The following TRIP12 variants were observed in gnomAD, a reference collection of about 807,000 sequenced individuals.
The protein encoded by TRIP12 is thyroid hormone receptor interactor 12.
Under a neutral mutation model 244.2 loss-of-function variants are expected in TRIP12, and 25 were observed. The ratio of observed to expected loss-of-function variants is 0.10; its 90% confidence interval spans 0.07 to 0.14. The LOEUF (loss-of-function observed/expected upper bound fraction) is 0.14, where lower values mean the gene tolerates loss of function less well. Ranked by LOEUF, TRIP12 falls within the 10% of genes least tolerant of loss-of-function variation. TRIP12 has a pLI of 1.00. For synonymous variants in TRIP12, 905 were observed against 873.1 expected, an observed-to-expected ratio of 1.04 and a Z score of -0.64; for missense variants, 1,677 against 2,486.4, an observed-to-expected ratio of 0.67 and a Z score of 6.92.
rs1210948489 is a variant in TRIP12, at chr2:229,921,947, A to AC, written c.-118dup. 3.1e-3 allele frequency: 193 copies of AC among 61,512 alleles called. No individual in the cohort carries two copies. The highest frequency in any genetic ancestry group is 5.0e-3 in the East Asian group (10 of 1,988). The allele number at this position is 61,512 out of a possible 1,614,324, so 3.8% of individuals were successfully genotyped here. A position where few individuals can be genotyped will look rare whatever the true frequency, so the allele number is the denominator to read the frequency against. On this transcript the variant is annotated 5_prime_UTR_variant, in exon 1 of 42. Transcript: ENST00000675903. ...GCAGTAACTTCCACTAGCTCCCCCC[A>AC]CCCCCCCCAGCGGCGCGGCGGCGGC...
intron 2 of TRIP12, among the ~76,000 whole-genome samples, chr2:229,874,420 G>A (rs1386316224): frequency 6.6e-6 from 1 of 152,106 alleles, no homozygotes; most frequent in Non-Finnish European, 1.5e-5. Context: ...CCATTTTCAA[G>A]AATTCGACTT....
intron 34 of TRIP12, among the ~76,000 whole-genome samples, chr2:229,779,274 GAAC>G (rs2037298086): frequency 6.6e-6 from 1 of 152,106 alleles, no homozygotes; most frequent in African/African-American, 2.4e-5. Context: ...TTTCCTTCAG[GAAC>G]AATATGGCAT....
chr2:229,781,633 C>A (rs2038197030), intron 34 of TRIP12, among the ~76,000 whole-genome samples: 1 of 152,150 alleles, frequency 6.6e-6, no homozygotes, highest in African/African-American at 2.4e-5. Flanking sequence ...GGCTTGTGAG[C>A]CCAAAGACTG....
intron 2 of TRIP12, among the ~76,000 whole-genome samples, chr2:229,865,335 A>G (rs2061333698): frequency 8.0e-5 from 2 of 25,082 alleles, no homozygotes; most frequent in Non-Finnish European, 1.1e-4. Context: ...AAAAAAAAAA[A>G]AAAAAAAAGA....
At chr2:229,902,868 C>T (rs974428861) in intron 1 of TRIP12, among the ~76,000 whole-genome samples, 1 of 152,204 alleles carries the variant, frequency 6.6e-6, no homozygotes, top group African/African-American at 2.4e-5. Context: ...ACTTCAGTTA[C>T]ACAGATATGC....
chr2:229,902,588 A>G (rs542660175), intron 1 of TRIP12, among the ~76,000 whole-genome samples: 2 of 152,310 alleles, frequency 1.3e-5, no homozygotes, highest in African/African-American at 2.4e-5. Context: ...GCTAATAAAC[A>G]TATTACTGAT....
intron 1 of TRIP12, among the ~76,000 whole-genome samples, chr2:229,918,250 G>A (rs1458341920): frequency 6.6e-6 from 1 of 152,182 alleles, no homozygotes; most frequent in Non-Finnish European, 1.5e-5. Flanking sequence ...TGATTTAAAT[G>A]AGGGAAAAGT....
At chr2:229,906,736 AAG>A (rs2072960011) in intron 1 of TRIP12, among the ~76,000 whole-genome samples, 1 of 151,752 alleles carries the variant, frequency 6.6e-6, no homozygotes, top group South Asian at 2.1e-4. Flanking sequence ...AAAAAAAAAA[AAG>A]AAAAAAAAAT....
At chr2:229,868,523 TA>T (rs1436876199) in intron 2 of TRIP12, among the ~76,000 whole-genome samples, 1 of 152,140 alleles carries the variant, frequency 6.6e-6, no homozygotes. Flanking sequence ...TAAATACCTT[TA>T]AAAAGTGGCT....
chr2:229,840,709 A>G, intron 5 of TRIP12, 113 bp downstream of exon 5: 1 of 806,370 alleles, frequency 1.2e-6, no homozygotes, highest in South Asian at 2.1e-5. Context: ...TCAAAAAACA[A>G]AACAAAACAA....
intron 4 of TRIP12, among the ~76,000 whole-genome samples, chr2:229,854,703 A>C (rs958289891): frequency 6.6e-6 from 1 of 152,052 alleles, no homozygotes; most frequent in African/African-American, 2.4e-5. Context: ...ATTACCTGCC[A>C]ATTAATTCTA....
intron 2 of TRIP12, among the ~76,000 whole-genome samples, chr2:229,870,340 T>G (rs557453777): frequency 3.3e-5 from 5 of 152,210 alleles, no homozygotes; most frequent in Admixed American, 3.3e-4. Context: ...GGGAAAGAAA[T>G]AAACATGGTG....
intron 4 of TRIP12, among the ~76,000 whole-genome samples, chr2:229,850,242 G>A (rs1472382135): frequency 2.0e-5 from 3 of 152,110 alleles, no homozygotes; most frequent in African/African-American, 7.2e-5. Flanking sequence ...AGAAGTCAAT[G>A]CTGTATTTAC....
At chr2:229,788,711 AG>A in intron 32 of TRIP12, 86 bp downstream of exon 32, 1 of 1,503,348 alleles carries the variant, frequency 6.7e-7, no homozygotes, top group Non-Finnish European at 9.0e-7. Flanking sequence ...GACTAGGTCC[AG>A]TAAAGACAAT....
At chr2:229,922,310 C>T (rs980231269), upstream of TRIP12, 67 of 589,266 alleles carry the variant, frequency 1.1e-4, no homozygotes, top group Non-Finnish European at 1.5e-4. Context: ...CTAATTCCCC[C>T]TCGGGTCACC....
In TRIP12 at chr2:229,804,024, C is replaced by T; in HGVS notation, c.2854G>A (p.Val952Ile). The stretch of plus-strand genomic sequence containing the variant: ...CTTGAAACAGCATGATTTTTCAGAA[C>T]ATCCTTCAGAAGTTCAGCATCCGCA... ...YFADAELLKD[V>I]LKNHAVSSHI... is the part of the protein sequence containing the mutation. The change falls in exon 19 of 42, where the codon GTT (valine) becomes ATT (isoleucine). Residue 952 changes from valine (V) to isoleucine (I), a missense_variant. Transcript: ENST00000675903. 6.2e-7 allele frequency: 1 copy of T among 1,613,254 alleles called. No individual in the cohort carries two copies. Among genetic ancestry groups the T allele is most frequent in the Non-Finnish European group, 8.5e-7 (1 of 1,179,730 alleles).
chr2:229,848,438 A>T (rs377292852), intron 4 of TRIP12, among the ~76,000 whole-genome samples: 2 of 151,956 alleles, frequency 1.3e-5, no homozygotes, highest in East Asian at 3.9e-4. Flanking sequence ...TATAAACAAG[A>T]AAATGAAAAC....
At chr2:229,792,272 A>G in intron 27 of TRIP12, 46 bp from the exon 28 acceptor site, 2 of 315,690 alleles carry the variant, frequency 6.3e-6, no homozygotes, top group Non-Finnish European at 9.6e-6. Context: ...TTTTAGGTGT[A>G]AAAAAAAAAA....
At chr2:229,791,413 T>TA (rs1482283509) in intron 29 of TRIP12, among the ~76,000 whole-genome samples, 162 bp from the exon 30 acceptor site, 1 of 152,222 alleles carries the variant, frequency 6.6e-6, no homozygotes, top group Non-Finnish European at 1.5e-5. Flanking sequence ...AGAGATCACC[T>TA]AGAGACCACC....
Sources: gnomAD v4.1 joint callset for allele counts (sites outside exome capture counted in the v4.1 genomes callset) on GRCh38, gnomAD v4.1.1 for gene constraint, MANE v1.5 for transcripts, NCBI Gene and HGNC (gene_info 2026-07-23, HGNC 2026-07-21) for gene names.